PHF21A: variants seen among roughly 807,000 people sequenced by gnomAD.
PHF21A encodes BHC80a.
In PHF21A, 11 loss-of-function variants were observed where a neutral mutation model predicts 82.5. The ratio of observed to expected loss-of-function variants is 0.13; its 90% confidence interval spans 0.08 to 0.22. The LOEUF is 0.22. Ranked by LOEUF, PHF21A falls within the 10% of genes least tolerant of loss-of-function variation. The pLI is 1.00. For synonymous variants in PHF21A, 297 were observed against 302.8 expected (o/e 0.98, Z 0.20); for missense variants, 579 against 837.8 (o/e 0.69, Z 3.81).
At chr11:46,004,077 C>T (rs972924979) in intron 6 of PHF21A, among the ~76,000 whole-genome samples, 17 of 151,962 alleles carry the variant, frequency 1.1e-4, no homozygotes, top group Non-Finnish European at 2.5e-4. Context: ...TTTTTTTAAA[C>T]GGAGTCACAA....
intron 6 of PHF21A, among the ~76,000 whole-genome samples, chr11:46,033,953 A>G (rs931584793): frequency 7.2e-5 from 11 of 152,230 alleles, no homozygotes; most frequent in Non-Finnish European, 1.3e-4. Flanking sequence ...ATTGTTTTCC[A>G]AAGTTGTTGA....
intron 1 of PHF21A, among the ~76,000 whole-genome samples, chr11:46,117,733 C>T (rs1260214025): frequency 6.6e-6 from 1 of 152,126 alleles, no homozygotes; most frequent in Non-Finnish European, 1.5e-5. Context: ...TTTTAAAATA[C>T]ATGCTCAACA....
intron 4 of PHF21A, among the ~76,000 whole-genome samples, chr11:46,081,069 T>C (rs1270630326): frequency 6.6e-6 from 1 of 152,184 alleles, no homozygotes; most frequent in South Asian, 2.1e-4. Context: ...GTGAATAGGT[T>C]GTAATAATCT....
At chr11:45,944,794 C>T (rs1359352492) in intron 15 of PHF21A, among the ~76,000 whole-genome samples, 4 of 152,222 alleles carry the variant, frequency 2.6e-5, no homozygotes, top group African/African-American at 9.6e-5. Context: ...GAGATGGAGT[C>T]TCACTCTTGT....
At position 45,968,866 on chromosome 11, in the gene PHF21A, G is replaced by A. The variant is rs539564378; in HGVS notation, c.702+949C>T. Among the ~76,000 whole-genome samples the A allele has an allele frequency of 1.7e-3, 244 of 146,268 alleles. 1 individual carries two copies. Among genetic ancestry groups the A allele is most frequent in the Non-Finnish European group, 3.3e-3 (219 of 66,696 alleles). ...GAATCGCTTGAACCTGGTGGGTGGA[G>A]ATTGCAGTGAGCCTAGATCGTGCCA... On this transcript the variant is annotated intron_variant, in intron 9 of 18. Coordinates refer to ENST00000676320, the MANE Select transcript of PHF21A (RefSeq NM_001352027.3).
chr11:46,032,196 C>A (rs929237678), intron 6 of PHF21A, among the ~76,000 whole-genome samples: 2 of 151,878 alleles, frequency 1.3e-5, no homozygotes, highest in East Asian at 1.9e-4. Flanking sequence ...TCACAAAAAG[C>A]GAAAATATCA....
chr11:46,021,382 A>G (rs1019773792), intron 6 of PHF21A, among the ~76,000 whole-genome samples: 6 of 151,584 alleles, frequency 4.0e-5, no homozygotes, highest in Non-Finnish European at 5.9e-5. Flanking sequence ...CTTTTAAAAT[A>G]ACCTCACCAC....
At chr11:46,072,809 CCG>C (rs547888318) in intron 6 of PHF21A, among the ~76,000 whole-genome samples, 74 of 152,236 alleles carry the variant, frequency 4.9e-4, no homozygotes, top group African/African-American at 1.7e-3. Context: ...GCTGGGGAAA[CCG>C]AAGCTGCAAC....
At chr11:45,975,817 T>C (rs1022307470) in intron 7 of PHF21A, among the ~76,000 whole-genome samples, 1 of 152,220 alleles carries the variant, frequency 6.6e-6, no homozygotes, top group African/African-American at 2.4e-5. Context: ...CGCCTTGGTA[T>C]ATGCCAATCA....
chr11:46,112,418 C>T (rs2097226370), intron 1 of PHF21A, among the ~76,000 whole-genome samples: 2 of 152,240 alleles, frequency 1.3e-5, no homozygotes, highest in South Asian at 2.1e-4. Context: ...TGCCAAGCAC[C>T]GTGCTAGGTA....
chr11:46,116,456 T>C (rs545092016), intron 1 of PHF21A: 1 of 152,252 alleles, frequency 6.6e-6, no homozygotes, highest in Non-Finnish European at 1.5e-5. Flanking sequence ...TCAGGGAACT[T>C]ACATACTCAC....
intron 11 of PHF21A, 141 bp downstream of exon 11, chr11:45,953,386 T>C: frequency 6.1e-6 from 4 of 651,810 alleles, no homozygotes; most frequent in Non-Finnish European, 1.1e-5. Context: ...GACTTGGCAA[T>C]AACATTGCTG....
intron 8 of PHF21A, chr11:45,970,858 C>T (rs1265860479): frequency 2.1e-6 from 1 of 465,140 alleles, no homozygotes; most frequent in East Asian, 3.8e-5. Flanking sequence ...GTGAAGGAGA[C>T]CTTCCCCCTA....
intron 6 of PHF21A, among the ~76,000 whole-genome samples, chr11:46,030,373 C>T (rs535866216): frequency 1.3e-5 from 2 of 152,306 alleles, no homozygotes; most frequent in South Asian, 2.1e-4. Flanking sequence ...TTTATTCTTA[C>T]CAAATGATTT....
At chr11:46,048,066 C>T (rs2096282674) in intron 6 of PHF21A, among the ~76,000 whole-genome samples, 1 of 152,180 alleles carries the variant, frequency 6.6e-6, no homozygotes, top group Admixed American at 6.5e-5. Flanking sequence ...CACAGTTGCA[C>T]AACTCCAGAA....
At chr11:46,035,266 T>A (rs547914535) in intron 6 of PHF21A, among the ~76,000 whole-genome samples, 5 of 152,348 alleles carry the variant, frequency 3.3e-5, no homozygotes, top group Middle Eastern at 3.4e-3. Flanking sequence ...CTGAAAAAAA[T>A]CCATCTTTCT....
In PHF21A at chr11:46,103,602, CT is replaced by C. The variant is rs2097123459; in HGVS notation, c.-236-11380del. Reference sequence around the variant, plus strand: ...AAACACACCTATTCACCTACTAGACCTTTATCAAATGGTACAGCTGGGTTAG... The same window carrying C: ...AAACACACCTATTCACCTACTAGACCTTATCAAATGGTACAGCTGGGTTAG... On this transcript the variant is annotated intron_variant, in intron 1 of 18. Transcript: ENST00000676320. Among the ~76,000 whole-genome samples, 3 of 152,214 alleles carry C rather than the reference CT, an allele frequency of 2.0e-5. No homozygotes were observed. The South Asian group carries it at 6.2e-4, about 32-fold the overall frequency.
intron 6 of PHF21A, among the ~76,000 whole-genome samples, chr11:46,000,486 G>T (rs2095082177): frequency 6.6e-6 from 1 of 150,488 alleles, no homozygotes; most frequent in Admixed American, 6.6e-5. Flanking sequence ...GTCAAATGGT[G>T]AATAATTTTA....
At position 46,039,446 on chromosome 11, in the gene PHF21A, C is replaced by T. The variant is rs1450119459; in HGVS notation, c.153+37308G>A. On this transcript the variant is annotated intron_variant, in intron 6 of 18. Coordinates refer to ENST00000676320, the MANE Select transcript of PHF21A (RefSeq NM_001352027.3). ...CAGGCATAGTGGATACATGGGGAAG[C>T]CTGAGAATAGTCAGGTAAGTACAGG... is the stretch of plus-strand genomic sequence containing the variant. Among the ~76,000 whole-genome samples, 3 of 152,252 alleles carry T rather than the reference C, an allele frequency of 2.0e-5. No individual in the cohort carries two copies. In the East Asian group the frequency reaches 5.8e-4, roughly 29 times the overall value.
Sources: gnomAD v4.1 joint callset for allele counts (sites outside exome capture counted in the v4.1 genomes callset) on GRCh38, gnomAD v4.1.1 for gene constraint, MANE v1.5 for transcripts, NCBI Gene and HGNC (gene_info 2026-07-23, HGNC 2026-07-21) for gene names.